Variants in UNC5C observed in about 807,000 individuals in gnomAD.
UNC5C encodes netrin receptor UNC5C.
In UNC5C, 47 loss-of-function variants were observed where a neutral mutation model predicts 99.8. The observed-to-expected ratio is 0.47, with a 90% CI of 0.37 to 0.60. The LOEUF (loss-of-function observed/expected upper bound fraction) is 0.60, where lower values mean the gene tolerates loss of function less well. Among genes scored for constraint, UNC5C ranks in the 20% least tolerant of loss-of-function variants. The pLI is 0.00. For missense variants in UNC5C, 1,062 were observed against 1,165.9 expected, an observed-to-expected ratio of 0.91 and a Z score of 1.30; for synonymous variants, 487 against 452.2, an observed-to-expected ratio of 1.08 and a Z score of -0.98.
chr4:95,401,734 C>T (rs1435976702), intron 1 of UNC5C, among the ~76,000 whole-genome samples: 1 of 152,184 alleles, frequency 6.6e-6, no homozygotes, highest in African/African-American at 2.4e-5. Flanking sequence ...TAACAAGTAG[C>T]CCAGAGCCCG....
intron 7 of UNC5C, among the ~76,000 whole-genome samples, chr4:95,224,093 GC>G (rs918310561): frequency 1.3e-5 from 2 of 152,058 alleles, no homozygotes; most frequent in African/African-American, 4.8e-5. Context: ...GACAATCTGG[GC>G]AACATGGTGA....
intron 10 of UNC5C, 181 bp downstream of exon 10, chr4:95,215,943 G>A (rs550503014): frequency 6.2e-5 from 30 of 486,792 alleles, no homozygotes; most frequent in East Asian, 4.3e-4. Context: ...CTGCAAAAGC[G>A]TCTGGAGCCT....
chr4:95,424,523 T>TTTTTTTTTTTTTTTTTTC (rs1746414699), intron 1 of UNC5C, among the ~76,000 whole-genome samples: 2 of 128,586 alleles, frequency 1.6e-5, no homozygotes, highest in East Asian at 5.3e-4. Context: ...CTTTTCTTTT[T>TTTTTTTTTTTTTTTTTTC]TTTTTTTTTT....
intron 1 of UNC5C, among the ~76,000 whole-genome samples, chr4:95,341,416 T>C (rs1171683856): frequency 6.7e-6 from 1 of 150,184 alleles, no homozygotes; most frequent in East Asian, 2.0e-4. Flanking sequence ...AAACAAGTTT[T>C]TGGCCAGTTT....
At chr4:95,374,484 A>G (rs1345000365) in intron 1 of UNC5C, among the ~76,000 whole-genome samples, 1 of 152,034 alleles carries the variant, frequency 6.6e-6, no homozygotes, top group African/African-American at 2.4e-5. Flanking sequence ...ACCCCTTACA[A>G]GCAGTCGCTC....
chr4:95,506,788 A>AT (rs760055340), intron 1 of UNC5C, among the ~76,000 whole-genome samples: 14 of 151,886 alleles, frequency 9.2e-5, no homozygotes, highest in Non-Finnish European at 1.6e-4. Flanking sequence ...TATATATATT[A>AT]TATGCCAATG....
At chr4:95,389,775 T>G (rs1745305137) in intron 1 of UNC5C, among the ~76,000 whole-genome samples, 1 of 152,046 alleles carries the variant, frequency 6.6e-6, no homozygotes, top group African/African-American at 2.4e-5. Context: ...ACACTGAATT[T>G]CAGACAGTAT....
At chr4:95,215,484 G>T (rs555190554) in intron 10 of UNC5C, among the ~76,000 whole-genome samples, 1 of 152,122 alleles carries the variant, frequency 6.6e-6, no homozygotes, top group Non-Finnish European at 1.5e-5. Flanking sequence ...ACTTCTCAAT[G>T]CCTCTTGTTA....
chr4:95,512,758 G>A (rs968163143), intron 1 of UNC5C, among the ~76,000 whole-genome samples: 3 of 152,014 alleles, frequency 2.0e-5, no homozygotes, highest in Non-Finnish European at 4.4e-5. Flanking sequence ...CCAGGTTTAT[G>A]GAGACAAGTT....
intron 2 of UNC5C, among the ~76,000 whole-genome samples, chr4:95,315,824 C>T (rs1460633633): frequency 1.3e-5 from 2 of 151,972 alleles, no homozygotes; most frequent in Admixed American, 1.3e-4. Flanking sequence ...AACATGCTGA[C>T]AAACAAAACT....
intron 3 of UNC5C, among the ~76,000 whole-genome samples, chr4:95,289,812 T>C (rs548732965): frequency 5.8e-4 from 88 of 152,328 alleles, no homozygotes; most frequent in Admixed American, 3.9e-4. Flanking sequence ...AGAACTAGAT[T>C]GGCCTTCAGA....
At chr4:95,341,547 AAAAG>A (rs960450172) in intron 1 of UNC5C, among the ~76,000 whole-genome samples, 9 of 152,058 alleles carry the variant, frequency 5.9e-5, no homozygotes, top group African/African-American at 1.7e-4. Context: ...AGAAAAAAGA[AAAAG>A]AAAGAAAGGA....
intron 12 of UNC5C, among the ~76,000 whole-genome samples, chr4:95,193,376 G>A (rs1398755979): frequency 2.0e-5 from 3 of 152,182 alleles, no homozygotes; most frequent in Admixed American, 6.5e-5. Flanking sequence ...ACCGCTCTCC[G>A]TGCTGGAGCC....
chr4:95,428,592 C>T (rs1746547308), intron 1 of UNC5C, among the ~76,000 whole-genome samples: 1 of 152,102 alleles, frequency 6.6e-6, no homozygotes, highest in Non-Finnish European at 1.5e-5. Context: ...AGTTTCACTG[C>T]TGCACAGGAC....
intron 7 of UNC5C, among the ~76,000 whole-genome samples, chr4:95,238,573 T>G (rs879786545): frequency 2.0e-4 from 31 of 152,190 alleles, no homozygotes; most frequent in Non-Finnish European, 3.1e-4. Context: ...TTGTTGTTTT[T>G]CATTTTCAGT....
At chr4:95,195,762 C>G (rs1011664830) in intron 12 of UNC5C, among the ~76,000 whole-genome samples, 3 of 152,168 alleles carry the variant, frequency 2.0e-5, no homozygotes, top group African/African-American at 7.2e-5. Flanking sequence ...CTTTCTCTCT[C>G]TTCACCTTCC....
chr4:95,286,392 C>T (rs192312210), intron 3 of UNC5C, among the ~76,000 whole-genome samples: 113 of 152,294 alleles, frequency 7.4e-4, no homozygotes, highest in African/African-American at 2.2e-3. Flanking sequence ...ATCTGAGAAG[C>T]ACTGGTTGAT....
At chr4:95,310,430 AT>A (rs35730924) in intron 2 of UNC5C, among the ~76,000 whole-genome samples, 126,115 of 151,980 alleles carry the variant, frequency 0.83, 52,522 homozygotes, top group African/African-American at 0.89. Context: ...AAGACAGTAG[AT>A]TTTTAAGTGT....
chr4:95,535,194 T>C (rs1234282751), intron 1 of UNC5C, among the ~76,000 whole-genome samples: 1 of 152,172 alleles, frequency 6.6e-6, no homozygotes, highest in Non-Finnish European at 1.5e-5. Context: ...GTGTGTTGAC[T>C]TTCCAAAGAG....
Sources: allele counts gnomAD v4.1 joint callset (sites outside exome capture counted in the v4.1 genomes callset), GRCh38; gene constraint gnomAD v4.1.1; transcripts MANE v1.5; gene names NCBI Gene and HGNC (gene_info 2026-07-23, HGNC 2026-07-21).